Variants in GNPDA2 observed in about 807,000 individuals in gnomAD.
The protein encoded by GNPDA2 is glcN6P deaminase 2.
GNPDA2 carries 24 observed loss-of-function variants against 27.0 expected under a neutral mutation model. The observed-to-expected ratio is 0.89, with a 90% CI of 0.64 to 1.25. The LOEUF is 1.25. Among genes scored for constraint, GNPDA2 ranks in the 50% most tolerant of loss-of-function variants. GNPDA2 has a pLI of 0.00. For synonymous variants in GNPDA2, 94 were observed against 108.4 expected, an observed-to-expected ratio of 0.87 and a Z score of 0.83; for missense variants, 286 against 335.1, an observed-to-expected ratio of 0.85 and a Z score of 1.14.
At chr4:44,714,426 T>C (rs1717158530) in intron 4 of GNPDA2, 2 of 985,270 alleles carry the variant, frequency 2.0e-6, no homozygotes, top group Non-Finnish European at 2.4e-6. Flanking sequence ...TCCTTTTTCT[T>C]TCCCTCTTCC....
At chr4:44,706,881 T>A (rs1716639009) in intron 6 of GNPDA2, 1 of 152,014 alleles carries the variant, frequency 6.6e-6, no homozygotes, top group African/African-American at 2.4e-5. Context: ...TTAAAAGGTA[T>A]AATCATGTAG....
chr4:44,714,579 C>T lies in GNPDA2; in HGVS notation c.409+2534G>A, dbSNP rs1203473743. The T allele has an allele frequency of 3.0e-6, 3 of 984,108 alleles. No homozygotes were observed. In the African/African-American group the frequency reaches 5.3e-5, roughly 17 times the overall value. 61.0% of individuals were successfully genotyped at this position (984,108 alleles called of 1,614,324 possible). A position where few individuals can be genotyped will look rare whatever the true frequency, so the allele number is the denominator to read the frequency against. On this transcript the variant is annotated intron_variant, in intron 4 of 6. Coordinates refer to ENST00000295448, the MANE Select transcript of GNPDA2 (RefSeq NM_138335.3). ...TCTGGCTTCAAGCCCAAACTGCAAT[C>T]TCTATTTCAACTTTACCTTTAATAA...
At chr4:44,721,145 A>C (rs570251304) in intron 2 of GNPDA2, among the ~76,000 whole-genome samples, 2 of 152,264 alleles carry the variant, frequency 1.3e-5, no homozygotes, top group African/African-American at 4.8e-5. Context: ...CAACTTGAAG[A>C]GTACCATTCA....
chr4:44,710,710 T>C (rs78086690), intron 5 of GNPDA2, among the ~76,000 whole-genome samples: 11,603 of 152,232 alleles, frequency 0.076, 598 homozygotes, highest in Middle Eastern at 0.18. Flanking sequence ...GGAGCAGGAA[T>C]AGGCAAGTGA....
At chr4:44,705,027 T>C (rs1438490780) in intron 6 of GNPDA2, 2 of 976,236 alleles carry the variant, frequency 2.0e-6, no homozygotes, top group Non-Finnish European at 2.4e-6. Flanking sequence ...TAGGTATATA[T>C]TGAAATAAAC....
intron 4 of GNPDA2, among the ~76,000 whole-genome samples, chr4:44,715,442 C>T (rs1054349843): frequency 6.6e-6 from 1 of 152,094 alleles, no homozygotes; most frequent in African/African-American, 2.4e-5. Flanking sequence ...CCTCAAACAA[C>T]TAAGAGCCTT....
chr4:44,722,676 G>A (rs749089141), intron 1 of GNPDA2, among the ~76,000 whole-genome samples: 15 of 152,090 alleles, frequency 9.9e-5, no homozygotes, highest in Non-Finnish European at 1.5e-4. Context: ...TAGAGATAAA[G>A]TATATGGGAG....
chr4:44,707,548 A>T, intron 6 of GNPDA2: 1 of 400,946 alleles, frequency 2.5e-6, no homozygotes, highest in Non-Finnish European at 4.2e-6. Flanking sequence ...GACTGAAGAG[A>T]TTCTCTTCAT....
intron 5 of GNPDA2, 132 bp from the exon 6 acceptor site, chr4:44,708,058 T>C (rs1270369645): frequency 3.8e-6 from 2 of 531,712 alleles, no homozygotes; most frequent in Non-Finnish European, 6.5e-6. Flanking sequence ...CACATAATAG[T>C]TCAAGGTATT....
At chr4:44,723,028 C>G (rs1357881013) in intron 1 of GNPDA2, among the ~76,000 whole-genome samples, 1 of 152,136 alleles carries the variant, frequency 6.6e-6, no homozygotes. Flanking sequence ...CTGCTCATCT[C>G]TGGAGGAGAA....
At chr4:44,713,763 A>G (rs1717113992) in intron 4 of GNPDA2, among the ~76,000 whole-genome samples, 1 of 151,710 alleles carries the variant, frequency 6.6e-6, no homozygotes, top group Admixed American at 6.6e-5. Flanking sequence ...GCCTGTAGTC[A>G]CAGCTACTCA....
At chr4:44,724,579 A>C (rs1717895664) in intron 1 of GNPDA2, among the ~76,000 whole-genome samples, 1 of 151,918 alleles carries the variant, frequency 6.6e-6, no homozygotes, top group African/African-American at 2.4e-5. Flanking sequence ...TTATTTTTAT[A>C]TTAAATGGAT....
intron 5 of GNPDA2, among the ~76,000 whole-genome samples, chr4:44,710,285 C>T (rs1467124378): frequency 6.6e-6 from 1 of 152,090 alleles, no homozygotes; most frequent in Non-Finnish European, 1.5e-5. Flanking sequence ...GTTTTTTCCT[C>T]TGAACCTGTC....
rs569094432 is a variant in GNPDA2 at position 44,702,539 on chromosome 4, A to G, written c.*542T>C. On this transcript the variant is annotated 3_prime_UTR_variant, in exon 7 of 7. Transcript: ENST00000295448. ...ACTTTTAGGCACTGTCATCTCTTCA[A>G]ATTTCCTTTACCAATGATATATAGC... 3.8e-5 allele frequency: 37 copies of G among 986,420 alleles called. No individual in the cohort carries two copies. The South Asian group carries it at 6.6e-4, about 18-fold the overall frequency. The allele number at this position is 986,420 out of a possible 1,614,324, so 61.1% of individuals were successfully genotyped here.
chr4:44,726,212 A>C (rs1456922608), intron 1 of GNPDA2, among the ~76,000 whole-genome samples: 1 of 143,234 alleles, frequency 7.0e-6, no homozygotes, highest in African/African-American at 2.6e-5. Flanking sequence ...GTGTAGAGAG[A>C]GGTGTCAAGA....
intron 1 of GNPDA2, among the ~76,000 whole-genome samples, chr4:44,722,968 T>A (rs2109725231): frequency 6.6e-6 from 1 of 152,296 alleles, no homozygotes; most frequent in East Asian, 1.9e-4. Context: ...ATGTTATTTT[T>A]AATAAGAGAA....
At chr4:44,723,498 TTTTC>T (rs1717811168) in intron 1 of GNPDA2, among the ~76,000 whole-genome samples, 2 of 152,276 alleles carry the variant, frequency 1.3e-5, no homozygotes, top group South Asian at 2.1e-4. Flanking sequence ...CATGTGGTAT[TTTTC>T]TTTCTATTTG....
At position 44,705,094 on chromosome 4, in the gene GNPDA2, G is replaced by A. The variant is rs1444682716; in HGVS notation, c.770-1952C>T. ...ATCTAGTTAACCTAGATCTTATCTAGGCACTAAATAAAACCCTTTAAGATT... is the reference window on the plus strand; with the variant it reads ...ATCTAGTTAACCTAGATCTTATCTAAGCACTAAATAAAACCCTTTAAGATT... On this transcript the variant is annotated intron_variant, in intron 6 of 6. Coordinates refer to ENST00000295448, the MANE Select transcript of GNPDA2 (RefSeq NM_138335.3). 5 of 984,664 alleles carry A rather than the reference G, an allele frequency of 5.1e-6. No individual in the cohort carries two copies. The African/African-American group carries it at 7.0e-5, about 14-fold the overall frequency. The allele number at this position is 984,664 out of a possible 1,614,324, so 61.0% of individuals were successfully genotyped here. A position where few individuals can be genotyped will look rare whatever the true frequency, so the allele number is the denominator to read the frequency against.
At chr4:44,703,379 T>A in intron 6 of GNPDA2, 1 of 1,252,808 alleles carries the variant, frequency 8.0e-7, no homozygotes. Context: ...TGTGTACAGG[T>A]ACTTTGGGAG....
Sources: gnomAD v4.1 joint callset for allele counts (sites outside exome capture counted in the v4.1 genomes callset) on GRCh38, gnomAD v4.1.1 for gene constraint, MANE v1.5 for transcripts, NCBI Gene and HGNC (gene_info 2026-07-23, HGNC 2026-07-21) for gene names.